The following CTNNA3 variants were observed in gnomAD, a reference collection of about 807,000 sequenced individuals.
The protein encoded by CTNNA3 is catenin alpha 3.
Under a neutral mutation model 95.7 loss-of-function variants are expected in CTNNA3, and 76 were observed. That is an observed-to-expected ratio of 0.79 (90% CI 0.66 to 0.96). The LOEUF (loss-of-function observed/expected upper bound fraction) is 0.96, where lower values mean the gene tolerates loss of function less well. Among genes scored for constraint, CTNNA3 ranks in the 40% least tolerant of loss-of-function variants. The probability of loss-of-function intolerance (pLI) is 0.00; values close to 1 mark genes in which losing one functional copy is unlikely to be tolerated. For synonymous variants in CTNNA3, 431 were observed against 374.4 expected, an observed-to-expected ratio of 1.15 and a Z score of -1.74; for missense variants, 1,191 against 1,089.8, an observed-to-expected ratio of 1.09 and a Z score of -1.31.
intron 7 of CTNNA3, among the ~76,000 whole-genome samples, chr10:66,961,040 A>G (rs1167415329): frequency 6.6e-6 from 1 of 152,226 alleles, no homozygotes; most frequent in Non-Finnish European, 1.5e-5. Context: ...TAGTTATCAC[A>G]ATATTAAAAA....
chr10:67,271,511 C>A (rs142347729), intron 5 of CTNNA3, among the ~76,000 whole-genome samples: 446 of 152,196 alleles, frequency 2.9e-3, no homozygotes, highest in African/African-American at 9.8e-3. Flanking sequence ...CTTTCCTTTA[C>A]AAATTACCCA....
At chr10:67,756,080 T>C (rs1841431472) in intron 1 of CTNNA3, among the ~76,000 whole-genome samples, 1 of 152,112 alleles carries the variant, frequency 6.6e-6, no homozygotes, top group Admixed American at 6.5e-5. Context: ...AGATATTGCA[T>C]GTTCTGACTC....
chr10:67,759,735 A>T (rs1841453098), intron 1 of CTNNA3, among the ~76,000 whole-genome samples: 1 of 152,234 alleles, frequency 6.6e-6, no homozygotes, highest in South Asian at 2.1e-4. Flanking sequence ...GACCTTGAAG[A>T]AGCAAACTAC....
chr10:65,947,997 G>A (rs1328651184), intron 17 of CTNNA3, among the ~76,000 whole-genome samples: 1 of 152,242 alleles, frequency 6.6e-6, no homozygotes, highest in Non-Finnish European at 1.5e-5. Context: ...CATGTGCGCG[G>A]CCAGGCGCGG....
At chr10:67,750,998 C>A (rs1224938453) in intron 1 of CTNNA3, 1 of 1,584,040 alleles carries the variant, frequency 6.3e-7, no homozygotes, top group Non-Finnish European at 8.7e-7. Flanking sequence ...GAGATTGCTG[C>A]AAGGCACAAA....
At chr10:67,510,136 T>C (rs1325028253) in intron 5 of CTNNA3, among the ~76,000 whole-genome samples, 2 of 152,182 alleles carry the variant, frequency 1.3e-5, no homozygotes, top group African/African-American at 4.8e-5. Context: ...ATTCTGTAGG[T>C]TTCCTGTTCA....
chr10:67,717,494 A>G (rs996265323), intron 1 of CTNNA3, among the ~76,000 whole-genome samples: 6 of 152,140 alleles, frequency 3.9e-5, no homozygotes, highest in Non-Finnish European at 7.3e-5. Context: ...TAGTTTTTGT[A>G]TAAGATGTAA....
intron 15 of CTNNA3, among the ~76,000 whole-genome samples, chr10:65,989,450 T>C (rs2078494617): frequency 6.6e-6 from 1 of 152,274 alleles, no homozygotes; most frequent in East Asian, 1.9e-4. Context: ...GGCAAAGGTA[T>C]TTTCCTGATT....
chr10:67,106,329 ATAC>A (rs1858634165), intron 7 of CTNNA3, among the ~76,000 whole-genome samples: 1 of 152,224 alleles, frequency 6.6e-6, no homozygotes, highest in African/African-American at 2.4e-5. Flanking sequence ...GAGAATATAA[ATAC>A]TATTGTCTGT....
intron 7 of CTNNA3, among the ~76,000 whole-genome samples, chr10:67,087,349 A>G (rs4746657): frequency 0.63 from 96,007 of 151,712 alleles, 31,907 homozygotes; most frequent in African/African-American, 0.85. Flanking sequence ...GCACTAAAGA[A>G]TTTGAAAAAC....
intron 7 of CTNNA3, among the ~76,000 whole-genome samples, chr10:67,075,570 C>T: frequency 6.6e-6 from 1 of 152,162 alleles, no homozygotes; most frequent in Admixed American, 6.5e-5. Flanking sequence ...TTAACATTTT[C>T]TCAAAGTAAG....
intron 11 of CTNNA3, among the ~76,000 whole-genome samples, chr10:66,429,203 GGAA>G (rs1204088230): frequency 6.6e-6 from 1 of 152,072 alleles, no homozygotes; most frequent in Admixed American, 6.6e-5. Flanking sequence ...GACTAAACCA[GGAA>G]GAAGTTGAAT....
In CTNNA3 at chr10:67,758,313, T is replaced by A. The variant is rs551628649; in HGVS notation, c.-2+5121A>T. Among the ~76,000 whole-genome samples the A allele has an allele frequency of 6.4e-4, 45 of 70,668 alleles. No homozygotes were observed. The East Asian group carries it at 8.6e-3, about 13-fold the overall frequency. The allele number at this position is 70,668 out of a possible 152,430, so 46.4% of individuals were successfully genotyped here. Reference sequence around the variant, plus strand: ...ATACACACACACACACACATATATATAAATATATATACACACACACACACA... The same window carrying A: ...ATACACACACACACACACATATATAAAAATATATATACACACACACACACA... On this transcript the variant is annotated intron_variant, in intron 1 of 17. Coordinates refer to the CTNNA3 transcript ENST00000684154.
chr10:66,031,033 C>A (rs1386937527), intron 15 of CTNNA3, among the ~76,000 whole-genome samples: 4 of 151,978 alleles, frequency 2.6e-5, no homozygotes, highest in Non-Finnish European at 5.9e-5. Context: ...TCTCACATGA[C>A]TTTATTAAAA....
intron 7 of CTNNA3, among the ~76,000 whole-genome samples, chr10:67,094,414 A>T (rs1348659190): frequency 6.6e-6 from 1 of 151,888 alleles, no homozygotes; most frequent in Non-Finnish European, 1.5e-5. Flanking sequence ...AAAATACATG[A>T]TAGCAATTGT....
At chr10:67,417,430 C>T (rs1845584843) in intron 5 of CTNNA3, among the ~76,000 whole-genome samples, 1 of 152,010 alleles carries the variant, frequency 6.6e-6, no homozygotes, top group African/African-American at 2.4e-5. Context: ...CACATGTACC[C>T]CCTGTATCTA....
At chr10:66,044,422 ATT>A (rs71035108) in intron 15 of CTNNA3, among the ~76,000 whole-genome samples, 1 of 147,300 alleles carries the variant, frequency 6.8e-6, no homozygotes. Context: ...GTTTATCTTG[ATT>A]TTTTTTTTTT....
chr10:66,214,228 G>C (rs901965810), intron 13 of CTNNA3, among the ~76,000 whole-genome samples: 1 of 152,140 alleles, frequency 6.6e-6, no homozygotes, highest in African/African-American at 2.4e-5. Context: ...GGTGCCCATT[G>C]AAATCTGCAG....
intron 12 of CTNNA3, among the ~76,000 whole-genome samples, chr10:66,281,628 A>G (rs2091493110): frequency 6.6e-6 from 1 of 151,906 alleles, no homozygotes. Flanking sequence ...AAAAAGATTA[A>G]TTTTTAGAAG....
Sources: allele counts gnomAD v4.1 joint callset (sites outside exome capture counted in the v4.1 genomes callset), GRCh38; gene constraint gnomAD v4.1.1; transcripts MANE v1.5; gene names NCBI Gene and HGNC (gene_info 2026-07-23, HGNC 2026-07-21).